STK24: variants seen among roughly 807,000 people sequenced by gnomAD.
STK24 encodes the protein serine/threonine-protein kinase 24.
Under a neutral mutation model 55.6 loss-of-function variants are expected in STK24, and 21 were observed. That is an observed-to-expected ratio of 0.38 (90% CI 0.27 to 0.54). The LOEUF (loss-of-function observed/expected upper bound fraction) is 0.54. Among genes scored for constraint, STK24 ranks in the 20% least tolerant of loss-of-function variants. The pLI is 0.79. For missense variants in STK24, 383 were observed against 538.4 expected (o/e 0.71, Z 2.86); for synonymous variants, 200 against 215.2 (o/e 0.93, Z 0.62).
chr13:98,539,957 G>A (rs959044230), intron 1 of STK24, among the ~76,000 whole-genome samples: 4 of 152,142 alleles, frequency 2.6e-5, no homozygotes, highest in Admixed American at 6.5e-5. Context: ...CAGTGCAAAC[G>A]GCCTAAATGT....
At chr13:98,515,264 C>T (rs1332816860) in intron 2 of STK24, among the ~76,000 whole-genome samples, 4 of 152,110 alleles carry the variant, frequency 2.6e-5, no homozygotes, top group African/African-American at 9.7e-5. Context: ...AATTCTCTCT[C>T]CCCTCCTGCA....
intron 2 of STK24, among the ~76,000 whole-genome samples, chr13:98,509,311 G>A (rs975973840): frequency 4.6e-5 from 7 of 152,064 alleles, no homozygotes; most frequent in South Asian, 2.1e-4. Flanking sequence ...TGCCAAGAAC[G>A]TAGACAAACC....
intron 1 of STK24, among the ~76,000 whole-genome samples, chr13:98,536,650 C>T (rs1266671283): frequency 6.6e-6 from 1 of 152,156 alleles, no homozygotes. Flanking sequence ...AGGGATGAGC[C>T]ACCACACCTG....
intron 1 of STK24, among the ~76,000 whole-genome samples, chr13:98,532,985 G>A (rs1896621785): frequency 6.6e-6 from 1 of 152,186 alleles, no homozygotes; most frequent in Non-Finnish European, 1.5e-5. Context: ...ATCATCTAGA[G>A]GACAAGCTGA....
intron 2 of STK24, among the ~76,000 whole-genome samples, chr13:98,516,142 A>T (rs547632581): frequency 6.6e-6 from 1 of 152,352 alleles, no homozygotes; most frequent in Non-Finnish European, 1.5e-5. Flanking sequence ...GGGCAGACAG[A>T]ATTACAGGTC....
chr13:98,547,441 G>A (rs1374251107), intron 1 of STK24, among the ~76,000 whole-genome samples: 5 of 152,104 alleles, frequency 3.3e-5, no homozygotes, highest in Non-Finnish European at 7.4e-5. Flanking sequence ...CCAGCTACTC[G>A]GGAGGCTGTG....
chr13:98,461,888 A>G lies in STK24; in HGVS notation c.939T>C (p.Asp313=). 1 of 1,613,902 alleles carries G rather than the reference A, an allele frequency of 6.2e-7. No homozygotes were observed. Among genetic ancestry groups the G allele is most frequent in the Non-Finnish European group, 8.5e-7 (1 of 1,179,892 alleles). ...SSSEDSDAET[D]GQASGGSDSG... is the part of the protein sequence containing the mutation. ...AATCACTGCCCCCCGAGGCTTGGCC[A>G]TCTGTTTCCCTTAACACAGAAATGC... The change falls in exon 8 of 11, where the codon GAT becomes GAC. Residue 313 remains aspartate (D), a synonymous_variant. Transcript: ENST00000539966.
At chr13:98,456,510 T>C (rs1316049467) in intron 10 of STK24, 1 of 516,570 alleles carries the variant, frequency 1.9e-6, no homozygotes, top group East Asian at 5.7e-5. Context: ...TCCAAACGCC[T>C]GCACTTGTGC....
intron 8 of STK24, among the ~76,000 whole-genome samples, chr13:98,461,388 A>C (rs758299018): frequency 2.0e-5 from 3 of 152,268 alleles, no homozygotes; most frequent in Non-Finnish European, 4.4e-5. Context: ...TTTACTTATA[A>C]GGTCCTTAAA....
intron 1 of STK24, among the ~76,000 whole-genome samples, chr13:98,549,886 A>G (rs1402646109): frequency 6.6e-6 from 1 of 152,200 alleles, no homozygotes; most frequent in Admixed American, 6.5e-5. Flanking sequence ...GATTCACAAC[A>G]TGACTGTGGA....
intron 1 of STK24, among the ~76,000 whole-genome samples, chr13:98,536,487 C>T (rs975345288): frequency 1.3e-5 from 2 of 152,054 alleles, no homozygotes; most frequent in African/African-American, 4.8e-5. Context: ...ACCTCAGCCT[C>T]CCAAGTAGCT....
chr13:98,571,238 C>G (rs1283216885), intron 1 of STK24, among the ~76,000 whole-genome samples: 1 of 152,180 alleles, frequency 6.6e-6, no homozygotes, highest in Non-Finnish European at 1.5e-5. Flanking sequence ...GCATCTTGCA[C>G]CAGGGTCCTG....
chr13:98,570,264 A>T (rs376896842), intron 1 of STK24, among the ~76,000 whole-genome samples: 2 of 152,360 alleles, frequency 1.3e-5, no homozygotes, highest in African/African-American at 4.8e-5. Context: ...TCGGGGAATA[A>T]GAAATGGCGG....
chr13:98,474,777 T>C, intron 5 of STK24, 44 bp downstream of exon 5: 2 of 1,560,292 alleles, frequency 1.3e-6, no homozygotes, highest in Non-Finnish European at 1.7e-6. Context: ...GCGGGAGCCC[T>C]CCAGGCCTCG....
intron 2 of STK24, among the ~76,000 whole-genome samples, chr13:98,483,926 A>C (rs1894701745): frequency 6.6e-6 from 1 of 152,234 alleles, no homozygotes; most frequent in Non-Finnish European, 1.5e-5. Flanking sequence ...CCAAGTTTTA[A>C]TGTATGTTGA....
intron 2 of STK24, among the ~76,000 whole-genome samples, chr13:98,503,723 A>G (rs1366236648): frequency 6.6e-6 from 1 of 152,274 alleles, no homozygotes; most frequent in African/African-American, 2.4e-5. Context: ...CTTAGAAGTC[A>G]TAAAGATAAT....
Position 98,457,276 on chromosome 13 carries a change from C to G in STK24, c.1151G>C (p.Gly384Ala). 1 of 1,614,040 alleles carries G rather than the reference C, an allele frequency of 6.2e-7. No individual in the cohort carries two copies. Among genetic ancestry groups the G allele is most frequent in the Non-Finnish European group, 8.5e-7 (1 of 1,180,038 alleles). The stretch of plus-strand genomic sequence containing the variant: ...CAGCTCTTCAATGGACCCCAAGTTC[C>G]CTCCGCACGCCTGGCTCTTCTCCTT... Reference protein sequence around the residue: ...ELKEKSQACGGNLGSIEELRG... With the variant: ...ELKEKSQACGANLGSIEELRG... Residue 384 changes from glycine to alanine, a missense_variant, in exon 10 of 11, where the codon GGG becomes GCG. Gly to Ala is a moderately conservative substitution (Grantham distance 60). Coordinates refer to ENST00000539966, the MANE Select transcript of STK24 (RefSeq NM_001032296.4).
At chr13:98,482,371 A>T (rs767465352) in intron 2 of STK24, 50 bp from the exon 3 acceptor site, 6 of 1,145,872 alleles carry the variant, frequency 5.2e-6, no homozygotes, top group Non-Finnish European at 6.3e-6. Context: ...AATCCAGGAA[A>T]ATTTTTTTTA....
rs756442163 is a variant in STK24, at chr13:98,537,719, G to GC, written c.43-18247dup. Reference sequence around the variant, plus strand: ...GTCTTCACCTGGGTTCCTTTCTGCTGCCCCCTCAGTGTAGTGCAGGGGCTG... The same window carrying GC: ...GTCTTCACCTGGGTTCCTTTCTGCTGCCCCCCTCAGTGTAGTGCAGGGGCTG... On this transcript the variant is annotated intron_variant, in intron 1 of 10. Coordinates refer to ENST00000539966, the MANE Select transcript of STK24 (RefSeq NM_001032296.4). Among the ~76,000 whole-genome samples the GC allele has an allele frequency of 3.1e-4, 47 of 152,276 alleles. 2 individuals are homozygous for GC. Among genetic ancestry groups the GC allele is most frequent in the Admixed American group, 1.1e-3 (17 of 15,306 alleles).
Sources: allele counts gnomAD v4.1 joint callset (sites outside exome capture counted in the v4.1 genomes callset), GRCh38; gene constraint gnomAD v4.1.1; transcripts MANE v1.5; gene names NCBI Gene and HGNC (gene_info 2026-07-23, HGNC 2026-07-21).